DDX54: variants seen among roughly 807,000 people sequenced by gnomAD.
The protein encoded by DDX54 is ATP-dependent RNA helicase DDX54.
Under a neutral mutation model 105.5 loss-of-function variants are expected in DDX54, and 67 were observed. The observed-to-expected ratio is 0.64, with a 90% confidence interval of 0.52 to 0.78. DDX54 has a LOEUF of 0.78. DDX54 is among the 30% of genes least tolerant of loss of function. The probability of loss-of-function intolerance (pLI) is 0.00; values close to 1 mark genes in which losing one functional copy is unlikely to be tolerated. For missense variants in DDX54, 1,206 were observed against 1,230.5 expected (o/e 0.98, Z 0.30); for synonymous variants, 514 against 509.9 (o/e 1.01, Z -0.11).
rs940209562 is a variant in DDX54 at position 113,163,961 on chromosome 12, C to T, written c.1938+106G>A. ...GCAGATGGGAAGCTGACTGCATCCA[C>T]CTCCATCCACTGCTCAAAGATCCTA... is the stretch of plus-strand genomic sequence containing the variant. On this transcript the variant is annotated intron_variant, in intron 15 of 19. Coordinates refer to ENST00000306014, the MANE Select transcript of DDX54 (RefSeq NM_024072.4). This position sits in a 1 kb window ranked among gnomAD's most constrained non-coding sequence, Gnocchi z 5.9. 2.1e-6 allele frequency: 3 copies of T among 1,437,776 alleles called. No homozygotes were observed. Among genetic ancestry groups the T allele is most frequent in the African/African-American group, 1.4e-5 (1 of 69,938 alleles). 89.1% of individuals were successfully genotyped at this position (1,437,776 alleles called of 1,614,324 possible).
chr12:113,162,676 G>A (rs537066569), intron 17 of DDX54: 9 of 456,396 alleles, frequency 2.0e-5, no homozygotes, highest in Non-Finnish European at 3.5e-5. Context: ...CTCACTTCAG[G>A]GAATGGAGGT....
rs138817552 is a variant in DDX54 at position 113,174,747 on chromosome 12, C to T, written c.961G>A (p.Asp321Asn). 8.7e-6 allele frequency: 14 copies of T among 1,611,252 alleles called. No homozygotes were observed. The African/African-American group carries it at 1.5e-4, about 17-fold the overall frequency. ...LKTSFFLVRE[D>N]TKAAVLLHLL... ...TGGAGCAGCACGGCAGCCTTGGTGTCCTCCCGCACGAGGAAGAAGGAGGTC... is the reference window on the plus strand; with the variant it reads ...TGGAGCAGCACGGCAGCCTTGGTGTTCTCCCGCACGAGGAAGAAGGAGGTC... Residue 321 changes from aspartate (D) to asparagine (N), a missense_variant, in exon 10 of 20, where the codon GAC (aspartate) becomes AAC (asparagine). Transcript: ENST00000306014.
chr12:113,175,008 C>A (rs1714750090), intron 8 of DDX54, 28 bp downstream of exon 8: 1 of 1,612,436 alleles, frequency 6.2e-7, no homozygotes. Flanking sequence ...TGACCCCCAG[C>A]CCCCATCTCC....
At chr12:113,164,506 G>T (rs558043706) in intron 14 of DDX54, among the ~76,000 whole-genome samples, 1 of 152,118 alleles carries the variant, frequency 6.6e-6, no homozygotes, top group Non-Finnish European at 1.5e-5. Context: ...TTGAGGTCAG[G>T]AGTTCGAGAC....
At chr12:113,165,315 C>A (rs1952257757) in intron 14 of DDX54, among the ~76,000 whole-genome samples, 1 of 152,182 alleles carries the variant, frequency 6.6e-6, no homozygotes, top group Non-Finnish European at 1.5e-5. Context: ...GCTCTTCAGG[C>A]CTCTAACAGA....
intron 12 of DDX54, among the ~76,000 whole-genome samples, chr12:113,168,995 G>A (rs1056571747): frequency 2.6e-5 from 4 of 151,814 alleles, no homozygotes; most frequent in African/African-American, 4.8e-5. Flanking sequence ...CTTTCCCTCC[G>A]CTGCGCTCCC....
chr12:113,171,495 T>C (rs1952338717), intron 11 of DDX54, among the ~76,000 whole-genome samples: 2 of 151,318 alleles, frequency 1.3e-5, no homozygotes, highest in African/African-American at 4.9e-5. Flanking sequence ...TCCCAGCTAC[T>C]CGGGAGGCTG....
chr12:113,165,566 C>T, intron 14 of DDX54, 78 bp downstream of exon 14: 1 of 1,452,034 alleles, frequency 6.9e-7, no homozygotes, highest in Non-Finnish European at 9.2e-7. Context: ...CACTGTGTGA[C>T]CCCAGGCCAC....
chr12:113,161,945 T>C lies in DDX54; in HGVS notation c.2248A>G (p.Lys750Glu). ...VGQSGQEDKK[K>E]IKTESGRYIS... is the part of the protein sequence containing the mutation. ...TAGCGGCCGCTCTCTGTCTTAATCT[T>C]CTTCTTGTCTTCCTGTCCTGACTGT... Residue 750 changes from lysine (K) to glutamate (E), a missense_variant, in exon 18 of 20, where the codon AAG becomes GAG. Physicochemically the swap from Lys to Glu is moderately conservative, Grantham distance 56. Coordinates refer to ENST00000306014, the MANE Select transcript of DDX54 (RefSeq NM_024072.4). 1 of 1,613,204 alleles carries C rather than the reference T, an allele frequency of 6.2e-7. No individual in the cohort carries two copies.
chr12:113,162,800 C>T (rs1462656811), intron 17 of DDX54, 132 bp downstream of exon 17: 33 of 827,116 alleles, frequency 4.0e-5, no homozygotes, highest in Admixed American at 6.1e-5. Flanking sequence ...CATGGAGGGG[C>T]GGCTCACTCA....
At chr12:113,166,469 G>C (rs1952277924) in intron 12 of DDX54, among the ~76,000 whole-genome samples, 1 of 152,148 alleles carries the variant, frequency 6.6e-6, no homozygotes, top group South Asian at 2.1e-4. Flanking sequence ...GGGAGGCTGA[G>C]GCAGGAGGAT....
intron 3 of DDX54, 97 bp downstream of exon 3, chr12:113,179,837 AT>A: frequency 7.3e-7 from 1 of 1,369,732 alleles, no homozygotes; most frequent in Middle Eastern, 2.2e-4. Context: ...GGGGCAGGAG[AT>A]GTGACAGGTG....
Position 113,179,158 on chromosome 12 carries a change from C to T in DDX54, c.549G>A (p.Leu183=), listed in dbSNP as rs1330369030. 6.2e-7 allele frequency: 1 copy of T among 1,613,966 alleles called. No individual in the cohort carries two copies. Among genetic ancestry groups the T allele is most frequent in the Non-Finnish European group, 8.5e-7 (1 of 1,179,994 alleles). Residue 183 remains leucine, a synonymous_variant, in exon 4 of 20, where the codon CTG becomes CTA. Transcript: ENST00000306014. ...SPTRELALQT[L]KFTKELGKFT... Reference sequence around the variant, plus strand: ...TCAGACACACCTCCTTAGTGAACTTCAGGGTCTGCAGGGCCAGCTCTCGGG... The same window carrying T: ...TCAGACACACCTCCTTAGTGAACTTTAGGGTCTGCAGGGCCAGCTCTCGGG...
At chr12:113,173,481 A>G (rs1323214561) in intron 10 of DDX54, among the ~76,000 whole-genome samples, 2 of 152,206 alleles carry the variant, frequency 1.3e-5, no homozygotes, top group African/African-American at 4.8e-5. Flanking sequence ...GTCCTCAGAT[A>G]ACAGACCCAG....
chr12:113,184,657 C>A (rs542300506), intron 1 of DDX54, among the ~76,000 whole-genome samples: 1 of 152,110 alleles, frequency 6.6e-6, no homozygotes, highest in African/African-American at 2.4e-5. Flanking sequence ...AGACCCCCGT[C>A]TCTACAAAAA....
Position 113,164,290 on chromosome 12 carries a change from G to A in DDX54, c.1720-5C>T, listed in dbSNP as rs2136315440. 2 of 1,581,422 alleles carry A rather than the reference G, an allele frequency of 1.3e-6. No individual in the cohort carries two copies. The highest frequency in any genetic ancestry group is 2.3e-5 in the East Asian group (1 of 43,622). ...GGCGTTGATCTCAAAGATAGTCTGTGGAGGGGACACCCAGTCCTTTGCCCA... is the reference window on the plus strand; with the variant it reads ...GGCGTTGATCTCAAAGATAGTCTGTAGAGGGGACACCCAGTCCTTTGCCCA... On this transcript the variant is annotated splice_polypyrimidine_tract_variant and splice_region_variant and intron_variant, in intron 14 of 19. Transcript: ENST00000306014.
chr12:113,165,823 G>A lies in DDX54; in HGVS notation c.1624C>T (p.Leu542=), dbSNP rs1593000251. Residue 542 remains leucine, a synonymous_variant, in exon 13 of 20, where the codon CTG becomes TTG. Transcript: ENST00000306014. ...TCACTGAAGAGGGGGTGCAGGCCCA[G>A]CCCCACAAGGTCCATCTCCTTGGCC... ...KRAKEMDLVG[L]GLHPLFSSRF... 1.2e-6 allele frequency: 2 copies of A among 1,607,732 alleles called. No individual in the cohort carries two copies.
chr12:113,166,904 A>G (rs1285838359), intron 12 of DDX54, among the ~76,000 whole-genome samples: 1 of 152,190 alleles, frequency 6.6e-6, no homozygotes, highest in African/African-American at 2.4e-5. Context: ...TAACAACAGC[A>G]ATACTTATGG....
At chr12:113,173,968 A>C (rs1443682231) in intron 10 of DDX54, among the ~76,000 whole-genome samples, 1 of 152,160 alleles carries the variant, frequency 6.6e-6, no homozygotes, top group Non-Finnish European at 1.5e-5. Context: ...AGATCATTTG[A>C]GGTCAGGAGT....
Sources: allele counts gnomAD v4.1 joint callset (sites outside exome capture counted in the v4.1 genomes callset), GRCh38; gene constraint gnomAD v4.1.1; non-coding constraint Gnocchi (gnomAD v3.1); transcripts MANE v1.5; gene names NCBI Gene and HGNC (gene_info 2026-07-23, HGNC 2026-07-21).